NRXN1: variants seen among roughly 807,000 people sequenced by gnomAD.
The protein encoded by NRXN1 is neurexin-1.
NRXN1 carries 39 observed loss-of-function variants against 150.9 expected under a neutral mutation model. The observed-to-expected ratio is 0.26, with a 90% CI of 0.20 to 0.34. NRXN1 has a LOEUF of 0.34. Among genes scored for constraint, NRXN1 ranks in the 10% least tolerant of loss-of-function variants. The pLI is 1.00. For missense variants in NRXN1, 1,815 were observed against 1,949.9 expected, an observed-to-expected ratio of 0.93 and a Z score of 1.30; for synonymous variants, 924 against 757.0, an observed-to-expected ratio of 1.22 and a Z score of -3.62.
intron 21 of NRXN1, among the ~76,000 whole-genome samples, chr2:49,984,918 T>C (rs550853721): frequency 6.6e-6 from 1 of 152,338 alleles, no homozygotes; most frequent in South Asian, 2.1e-4. Flanking sequence ...CCATTTAATC[T>C]GCCTATTTGG....
At chr2:50,208,828 C>T (rs2062805481) in intron 18 of NRXN1, among the ~76,000 whole-genome samples, 1 of 152,144 alleles carries the variant, frequency 6.6e-6, no homozygotes. Context: ...TGCTAACATT[C>T]TTGCGTTAAC....
At chr2:50,053,121 C>T (rs968981224) in intron 21 of NRXN1, 150 bp downstream of exon 21, 8 of 731,778 alleles carry the variant, frequency 1.1e-5, no homozygotes, top group Admixed American at 6.9e-5. Context: ...CATATTCAAA[C>T]GGAATGCATT....
At chr2:50,066,826 T>C (rs1015794455) in intron 19 of NRXN1, among the ~76,000 whole-genome samples, 1 of 152,170 alleles carries the variant, frequency 6.6e-6, no homozygotes, top group African/African-American at 2.4e-5. Flanking sequence ...GTGACCTTTT[T>C]TCAAACTTCA....
At chr2:50,125,168 C>T (rs1392585879) in intron 18 of NRXN1, among the ~76,000 whole-genome samples, 1 of 152,074 alleles carries the variant, frequency 6.6e-6, no homozygotes, top group Non-Finnish European at 1.5e-5. Context: ...ATAACAGTAA[C>T]TGTAATGGTC....
chr2:50,116,052 G>C (rs1380798206), intron 18 of NRXN1, among the ~76,000 whole-genome samples: 5 of 151,884 alleles, frequency 3.3e-5, no homozygotes, highest in Non-Finnish European at 7.4e-5. Context: ...TTATCCTAAG[G>C]CTCGACCTCT....
chr2:50,185,870 C>A (rs2061036765), intron 18 of NRXN1, among the ~76,000 whole-genome samples: 1 of 152,080 alleles, frequency 6.6e-6, no homozygotes, highest in African/African-American at 2.4e-5. Flanking sequence ...TTTTAAACTT[C>A]AAATTACCTT....
chr2:50,541,409 T>A lies in NRXN1; in HGVS notation c.1760-2773A>T, dbSNP rs559434503. ...TGGTGCACTGTGTCTGCACTCACTC[T>A]AAGGGGCAAAACGGCTGCCAGGTGG... On this transcript the variant is annotated intron_variant, in intron 9 of 22. Coordinates refer to ENST00000401669, the MANE Select transcript of NRXN1 (RefSeq NM_001330078.2). Among the ~76,000 whole-genome samples, 4 of 152,278 alleles carry A rather than the reference T, an allele frequency of 2.6e-5. No homozygotes were observed. In the East Asian group the frequency reaches 7.7e-4, roughly 29 times the overall value.
At chr2:50,573,533 A>G (rs1165769204) in intron 8 of NRXN1, among the ~76,000 whole-genome samples, 1 of 150,596 alleles carries the variant, frequency 6.6e-6, no homozygotes, top group Non-Finnish European at 1.5e-5. Context: ...TAACTATTAG[A>G]TAGTTAATTA....
intron 5 of NRXN1, among the ~76,000 whole-genome samples, chr2:50,698,772 T>C (rs12622842): frequency 0.33 from 50,168 of 152,010 alleles, 8,581 homozygotes; most frequent in East Asian, 0.52. Flanking sequence ...CCAGTTAAAA[T>C]TGCCCTCAAA....
chr2:50,539,000 G>A (rs10490225), intron 9 of NRXN1, among the ~76,000 whole-genome samples: 59 of 152,008 alleles, frequency 3.9e-4, no homozygotes, highest in Non-Finnish European at 5.3e-4. Flanking sequence ...CCCTGGGTTA[G>A]TGCTTGTTTT....
At chr2:50,400,754 C>T (rs554722854) in intron 17 of NRXN1, among the ~76,000 whole-genome samples, 2 of 152,220 alleles carry the variant, frequency 1.3e-5, no homozygotes, top group South Asian at 4.2e-4. Context: ...AAAAAGTGTG[C>T]TTTGGGCAAA....
chr2:50,062,880 A>G (rs1694762493), intron 19 of NRXN1, among the ~76,000 whole-genome samples: 1 of 152,144 alleles, frequency 6.6e-6, no homozygotes, highest in South Asian at 2.1e-4. Flanking sequence ...TATGAACCAA[A>G]CATTTGTGCA....
At chr2:50,062,744 G>C (rs1694746637) in intron 19 of NRXN1, among the ~76,000 whole-genome samples, 1 of 152,066 alleles carries the variant, frequency 6.6e-6, no homozygotes, top group Admixed American at 6.6e-5. Context: ...GAACATCACT[G>C]ATGTATAGTT....
rs556598883 is a variant in NRXN1 at position 50,557,742 on chromosome 2, T to C, written c.1321-4717A>G. Among the ~76,000 whole-genome samples the C allele has an allele frequency of 1.8e-4, 27 of 152,356 alleles. No individual in the cohort carries two copies. The South Asian group carries it at 5.4e-3, about 30-fold the overall frequency. Reference sequence around the variant, plus strand: ...TAACATTATTATAAATAACATTTCTTATTCTTACATTGAATTGATGGAGCT... The same window carrying C: ...TAACATTATTATAAATAACATTTCTCATTCTTACATTGAATTGATGGAGCT... On this transcript the variant is annotated intron_variant, in intron 8 of 22. Coordinates refer to ENST00000401669, the MANE Select transcript of NRXN1 (RefSeq NM_001330078.2).
chr2:50,023,606 C>G (rs1242827401), intron 21 of NRXN1: 1 of 152,152 alleles, frequency 6.6e-6, no homozygotes, highest in Non-Finnish European at 1.5e-5. Flanking sequence ...ATGAGGGAAG[C>G]AAAGGCAAAG....
chr2:50,635,879 CT>C (rs1197164628), intron 5 of NRXN1, among the ~76,000 whole-genome samples: 2 of 152,090 alleles, frequency 1.3e-5, no homozygotes, highest in African/African-American at 2.4e-5. Flanking sequence ...ACAATGAAGG[CT>C]ACTTAAATTC....
chr2:50,091,266 T>G, intron 19 of NRXN1, 57 bp downstream of exon 19: 1 of 1,596,408 alleles, frequency 6.3e-7, no homozygotes, highest in Non-Finnish European at 8.6e-7. Context: ...AAACAGTGCT[T>G]TTTCTTCCAG....
At chr2:50,916,064 G>T (rs186339878) in intron 5 of NRXN1, among the ~76,000 whole-genome samples, 128 of 145,976 alleles carry the variant, frequency 8.8e-4, no homozygotes, top group African/African-American at 3.2e-3. Flanking sequence ...AAAAATCTGT[G>T]AATGGTTTCC....
At chr2:50,226,373 GAAT>G (rs1422583859) in intron 18 of NRXN1, among the ~76,000 whole-genome samples, 1 of 151,926 alleles carries the variant, frequency 6.6e-6, no homozygotes, top group Non-Finnish European at 1.5e-5. Flanking sequence ...TGTGCCAGTA[GAAT>G]AATGATTATG....
Sources: allele counts gnomAD v4.1 joint callset (sites outside exome capture counted in the v4.1 genomes callset), GRCh38; gene constraint gnomAD v4.1.1; transcripts MANE v1.5; gene names NCBI Gene and HGNC (gene_info 2026-07-23, HGNC 2026-07-21).